Variants in XIRP2 observed in about 807,000 individuals in gnomAD.
The protein encoded by XIRP2 is xin actin binding repeat containing 2.
Under a neutral mutation model 277.0 loss-of-function variants are expected in XIRP2, and 236 were observed. That is an observed-to-expected ratio of 0.85 (90% CI 0.77 to 0.95). XIRP2 has a LOEUF of 0.95. XIRP2 is among the 40% of genes least tolerant of loss of function. XIRP2 has a pLI of 0.00. For synonymous variants in XIRP2, 1,490 were observed against 1,416.5 expected (o/e 1.05, Z -1.17); for missense variants, 4,640 against 4,157.5 (o/e 1.12, Z -3.19).
intron 3 of XIRP2, among the ~76,000 whole-genome samples, chr2:167,147,002 T>A (rs1691880887): frequency 6.6e-6 from 1 of 152,138 alleles, no homozygotes; most frequent in Non-Finnish European, 1.5e-5. Context: ...ACTTCCAATT[T>A]TATATCCAAC....
intron 2 of XIRP2, among the ~76,000 whole-genome samples, chr2:167,030,041 G>A (rs973999840): frequency 1.3e-5 from 2 of 151,818 alleles, no homozygotes; most frequent in Non-Finnish European, 2.9e-5. Context: ...ATTGTATTTT[G>A]GTGGGATCAG....
At chr2:167,231,369 C>T (rs16853284) in intron 5 of XIRP2, among the ~76,000 whole-genome samples, 23,189 of 151,800 alleles carry the variant, frequency 0.15, 2,211 homozygotes, top group African/African-American at 0.27. Context: ...GTCCTTGTAA[C>T]GTCTCATGGA....
intron 5 of XIRP2, among the ~76,000 whole-genome samples, chr2:167,227,142 G>A (rs73972213): frequency 0.15 from 22,938 of 151,940 alleles, 2,147 homozygotes; most frequent in African/African-American, 0.27. Flanking sequence ...GGCTTATTGC[G>A]TGCACACGTC....
intron 2 of XIRP2, among the ~76,000 whole-genome samples, chr2:166,938,755 A>C (rs563179095): frequency 5.0e-4 from 76 of 152,180 alleles, no homozygotes; most frequent in African/African-American, 1.6e-3. Flanking sequence ...TCTCTAAGGA[A>C]TTGCTTTATG....
At chr2:167,203,709 A>G (rs1022896521) in intron 3 of XIRP2, among the ~76,000 whole-genome samples, 1 of 152,258 alleles carries the variant, frequency 6.6e-6, no homozygotes, top group Non-Finnish European at 1.5e-5. Context: ...AAGAATATAT[A>G]AAACTCAAAT....
At chr2:167,151,696 A>T (rs764645705) in intron 3 of XIRP2, among the ~76,000 whole-genome samples, 43 of 152,124 alleles carry the variant, frequency 2.8e-4, no homozygotes, top group Non-Finnish European at 5.3e-4. Context: ...TTTAAAACGA[A>T]ATGAAAACGC....
intron 3 of XIRP2, among the ~76,000 whole-genome samples, chr2:167,145,257 C>T (rs1252377474): frequency 6.6e-6 from 1 of 152,070 alleles, no homozygotes; most frequent in African/African-American, 2.4e-5. Flanking sequence ...CCTGTAAATT[C>T]CCATCTTTTT....
rs1691585098 is a variant in XIRP2 at position 167,137,312 on chromosome 2, A to G, written c.562+1250A>G. ...ATTCATTTTGGTATGCCCAATTAAT[A>G]TCCTAATATGATTAGTATCAGTCTT... On this transcript the variant is annotated intron_variant, in intron 3 of 10. Transcript: ENST00000409195. Among the ~76,000 whole-genome samples the G allele has an allele frequency of 4.6e-5, 7 of 152,184 alleles. 1 individual carries two copies. In the South Asian group the frequency reaches 1.4e-3, roughly 31 times the overall value.
rs563247697 is a variant in XIRP2, at chr2:167,238,014, C to T, written c.859-1841C>T. 2.0e-5 allele frequency among the ~76,000 whole-genome samples: 3 copies of T among 152,300 alleles called. No homozygotes were observed. In the South Asian group the frequency reaches 6.2e-4, roughly 32 times the overall value. ...GCAAGGCACCTTGTTATATGGAATTCTGATTCTTTGAACTTGAAGGAATGA... is the reference window on the plus strand; with the variant it reads ...GCAAGGCACCTTGTTATATGGAATTTTGATTCTTTGAACTTGAAGGAATGA... On this transcript the variant is annotated intron_variant, in intron 5 of 10. Transcript: ENST00000409195.
intron 2 of XIRP2, among the ~76,000 whole-genome samples, chr2:167,102,621 T>A (rs1186070236): frequency 1.3e-5 from 2 of 152,166 alleles, no homozygotes; most frequent in Admixed American, 1.3e-4. Flanking sequence ...TACCATTGTT[T>A]TTAGATAGAA....
intron 2 of XIRP2, among the ~76,000 whole-genome samples, chr2:167,073,463 T>G (rs1204519893): frequency 6.6e-6 from 1 of 152,150 alleles, no homozygotes; most frequent in Non-Finnish European, 1.5e-5. Context: ...TTCTTGGTAC[T>G]CATCTGTTCA....
At chr2:167,251,991 G>A in intron 9 of XIRP2, 44 bp downstream of exon 9, 1 of 1,513,422 alleles carries the variant, frequency 6.6e-7, no homozygotes, top group Non-Finnish European at 8.8e-7. Context: ...ACCATTTAAA[G>A]GCATGTGTTC....
At position 167,246,491 on chromosome 2, in the gene XIRP2, G is replaced by T; in HGVS notation, c.5099G>T (p.Gly1700Val). ...TIYCLLHEND[G>V]DTIEREEVIG... ...TATTGTCTTCTTCATGAAAATGATGGTGACACAATTGAGCGTGAAGAAGTA... is the reference window on the plus strand; with the variant it reads ...TATTGTCTTCTTCATGAAAATGATGTTGACACAATTGAGCGTGAAGAAGTA... The change falls in exon 9 of 11, where the codon GGT becomes GTT. Residue 1700 changes from glycine (G) to valine (V), a missense_variant. Transcript: ENST00000409195. The T allele has an allele frequency of 1.2e-6, 2 of 1,613,652 alleles. No homozygotes were observed. The highest frequency in any genetic ancestry group is 1.7e-6 in the Non-Finnish European group (2 of 1,179,798).
chr2:167,071,950 C>T (rs1406063431), intron 2 of XIRP2, among the ~76,000 whole-genome samples: 1 of 152,102 alleles, frequency 6.6e-6, no homozygotes, highest in African/African-American at 2.4e-5. Flanking sequence ...GGGGAGATAA[C>T]CTTGCTCATA....
intron 2 of XIRP2, among the ~76,000 whole-genome samples, chr2:167,129,043 G>A (rs1016213402): frequency 4.6e-5 from 7 of 152,246 alleles, no homozygotes; most frequent in Non-Finnish European, 1.0e-4. Flanking sequence ...CATAGTGGGA[G>A]AAGGTACAGT....
rs370500035 is a variant in XIRP2 at position 167,245,216 on chromosome 2, G to C, written c.3824G>C (p.Gly1275Ala). 6.2e-7 allele frequency: 1 copy of C among 1,613,594 alleles called. No homozygotes were observed. The highest frequency in any genetic ancestry group is 8.5e-7 in the Non-Finnish European group (1 of 1,179,724). The change falls in exon 9 of 11, where the codon GGG becomes GCG. Residue 1275 changes from glycine (G) to alanine (A), a missense_variant. Gly to Ala is a moderately conservative substitution (Grantham distance 60). Transcript: ENST00000409195. Reference sequence around the variant, plus strand: ...ATACAAGGTGGGGATGTAAGAAAGGGGTGCTTTATTTTTGAGACTTTTTCT... The same window carrying C: ...ATACAAGGTGGGGATGTAAGAAAGGCGTGCTTTATTTTTGAGACTTTTTCT... ...TDIQGGDVRK[G>A]CFIFETFSLD...
chr2:167,034,643 A>T (rs1688463642), intron 2 of XIRP2, among the ~76,000 whole-genome samples: 1 of 152,234 alleles, frequency 6.6e-6, no homozygotes, highest in Non-Finnish European at 1.5e-5. Context: ...GAGCAGCTAT[A>T]CTTATACAAA....
At chr2:167,209,981 A>G (rs16853221) in intron 3 of XIRP2, among the ~76,000 whole-genome samples, 32,652 of 151,924 alleles carry the variant, frequency 0.21, 4,112 homozygotes, top group African/African-American at 0.35. Flanking sequence ...CTTTAACACT[A>G]CTTCCAGATA....
chr2:167,037,518 G>GGGTGTGTGTGT (rs1553481078), intron 2 of XIRP2, among the ~76,000 whole-genome samples: 28 of 126,460 alleles, frequency 2.2e-4, no homozygotes, highest in African/African-American at 7.8e-4. Context: ...TCATGTGGGG[G>GGGTGTGTGTGT]GTGTGTGTGT....
Sources: allele counts gnomAD v4.1 joint callset (sites outside exome capture counted in the v4.1 genomes callset), GRCh38; gene constraint gnomAD v4.1.1; transcripts MANE v1.5; gene names NCBI Gene and HGNC (gene_info 2026-07-23, HGNC 2026-07-21).